The following PIEZO2 variants were observed in gnomAD, a reference collection of about 807,000 sequenced individuals.
PIEZO2 encodes the protein piezo type mechanosensitive ion channel component 2, also known as piezo-type mechanosensitive ion channel component 2.
A neutral mutation model predicts 337.3 loss-of-function variants in PIEZO2; 172 were observed. The ratio of observed to expected loss-of-function variants is 0.51; its 90% confidence interval spans 0.45 to 0.58. The LOEUF (loss-of-function observed/expected upper bound fraction) is 0.58, where lower values mean the gene tolerates loss of function less well. Among genes scored for constraint, PIEZO2 ranks in the 20% least tolerant of loss-of-function variants. The pLI, the probability that PIEZO2 is intolerant of heterozygous loss-of-function variation, is 0.00. For missense variants in PIEZO2, 3,028 were observed against 3,391.3 expected, an observed-to-expected ratio of 0.89 and a Z score of 2.66; for synonymous variants, 1,251 against 1,228.5, an observed-to-expected ratio of 1.02 and a Z score of -0.38.
At chr18:10,920,223 C>T (rs1195348413) in intron 3 of PIEZO2, among the ~76,000 whole-genome samples, 4 of 152,110 alleles carry the variant, frequency 2.6e-5, no homozygotes. Context: ...TATCTTTCTA[C>T]ATCTAGTCCC....
Position 10,725,111 on chromosome 18 carries a change from A to T in PIEZO2, c.5029+6296T>A, listed in dbSNP as rs990483421. ...CAGTCGCATTACACCTACAATCCAC[A>T]GTTCGAGTACCAGGAGCCCATGCCT... On this transcript the variant is annotated intron_variant, in intron 36 of 55. Transcript: ENST00000674853. 3.4e-6 allele frequency: 5 copies of T among 1,481,266 alleles called. No homozygotes were observed. In the African/African-American group the frequency reaches 6.9e-5, roughly 21 times the overall value. The allele number at this position is 1,481,266 out of a possible 1,614,324, so 91.8% of individuals were successfully genotyped here.
rs747589232 is a variant in PIEZO2 at position 11,110,624 on chromosome 18, G to A, written c.64+37901C>T. Among the ~76,000 whole-genome samples the A allele has an allele frequency of 1.1e-4, 16 of 152,188 alleles. No homozygotes were observed. Among genetic ancestry groups the A allele is most frequent in the African/African-American group, 2.7e-4 (11 of 41,466 alleles). Reference sequence around the variant, plus strand: ...GGTGGGCAGGGGAGCAGGTGGAGCCGGTGAGCAGCCCCAGGCCAGGCTAGC... The same window carrying A: ...GGTGGGCAGGGGAGCAGGTGGAGCCAGTGAGCAGCCCCAGGCCAGGCTAGC... On this transcript the variant is annotated intron_variant, in intron 1 of 55. Transcript: ENST00000674853. The surrounding 1 kb of genome is among the most constrained non-coding windows in gnomAD (Gnocchi z 4.2).
Position 11,133,290 on chromosome 18 carries a change from G to C in PIEZO2, c.64+15235C>G, listed in dbSNP as rs1170174677. On this transcript the variant is annotated intron_variant, in intron 1 of 55. Coordinates refer to ENST00000674853, the MANE Select transcript of PIEZO2 (RefSeq NM_001378183.1). ...TTGGGTTGGGGATTGGCACGTTTCC[G>C]GTTGTACAAGGGATAGTTGTGTTAT... 3.3e-5 allele frequency among the ~76,000 whole-genome samples: 5 copies of C among 152,212 alleles called. No homozygotes were observed. The South Asian group carries it at 1.0e-3, about 32-fold the overall frequency.
At chr18:10,742,649 A>G (rs570173327) in intron 31 of PIEZO2, 34 bp from the exon 32 acceptor site, 2 of 1,535,064 alleles carry the variant, frequency 1.3e-6, no homozygotes, top group South Asian at 2.4e-5. Context: ...AATGCCAAGA[A>G]CATATTCATT....
intron 2 of PIEZO2, among the ~76,000 whole-genome samples, chr18:10,998,486 T>G (rs753374102): frequency 1.3e-5 from 2 of 152,124 alleles, no homozygotes; most frequent in African/African-American, 2.4e-5. Flanking sequence ...TTGAGGGTAT[T>G]ATGTTGCCCA....
In PIEZO2 at chr18:10,945,718, C is replaced by G. The variant is rs375019734; in HGVS notation, c.286+33817G>C. Among the ~76,000 whole-genome samples, 12 of 152,214 alleles carry G rather than the reference C, an allele frequency of 7.9e-5. No homozygotes were observed. The highest frequency in any genetic ancestry group is 2.9e-4 in the African/African-American group (12 of 41,520). ...AGCAGAAAAAATCAATCAAAATCTT[C>G]CCAGAACTGCCAAAGGTGTTCAAAT... On this transcript the variant is annotated intron_variant, in intron 3 of 55. Transcript: ENST00000674853. This position sits in a 1 kb window ranked among gnomAD's most constrained non-coding sequence, Gnocchi z 4.0.
chr18:10,986,723 G>T (rs952393050), intron 2 of PIEZO2, among the ~76,000 whole-genome samples: 4 of 151,914 alleles, frequency 2.6e-5, no homozygotes, highest in African/African-American at 9.7e-5. Flanking sequence ...AACCGGAACA[G>T]TTATGGTAGA....
intron 13 of PIEZO2, among the ~76,000 whole-genome samples, chr18:10,793,390 A>C (rs146641116): frequency 0.01 from 1,580 of 152,308 alleles, 13 homozygotes; most frequent in African/African-American, 0.035. Flanking sequence ...ATAAGTGCAG[A>C]ACCTAGGTTC....
rs1567995708 is a variant in PIEZO2 at position 10,731,190 on chromosome 18, TATATATATATA to T, written c.5029+206_5029+216del. Reference sequence around the variant, plus strand: ...CTACTTAAAAGATTATATATATATATATATATATATATATATATATATATATATCTCCTAAC... The same window carrying T: ...CTACTTAAAAGATTATATATATATATTATATATATATATATATCTCCTAAC... On this transcript the variant is annotated intron_variant, in intron 36 of 55. Coordinates refer to ENST00000674853, the MANE Select transcript of PIEZO2 (RefSeq NM_001378183.1). Among the ~76,000 whole-genome samples the T allele has an allele frequency of 9.7e-5, 6 of 61,772 alleles. 1 individual carries two copies. Among genetic ancestry groups the T allele is most frequent in the Non-Finnish European group, 1.5e-4 (5 of 33,182 alleles). 40.5% of individuals were successfully genotyped at this position (61,772 alleles called of 152,430 possible).
intron 1 of PIEZO2, among the ~76,000 whole-genome samples, chr18:11,103,077 C>T (rs374548983): frequency 2.6e-5 from 4 of 152,120 alleles, no homozygotes; most frequent in African/African-American, 9.6e-5. Context: ...GGATGTGTCC[C>T]CCACATAAAA....
chr18:11,059,754 A>C (rs2037870068), intron 2 of PIEZO2, among the ~76,000 whole-genome samples: 1 of 152,210 alleles, frequency 6.6e-6, no homozygotes, highest in South Asian at 2.1e-4. Context: ...CAGATTCATA[A>C]AGCAAGTCCT....
Position 11,109,007 on chromosome 18 carries a change from C to T in PIEZO2, c.64+39518G>A, listed in dbSNP as rs112697148. Among the ~76,000 whole-genome samples the T allele has an allele frequency of 9.2e-5, 14 of 152,350 alleles. No individual in the cohort carries two copies. The highest frequency in any genetic ancestry group is 1.8e-4 in the Non-Finnish European group (12 of 68,040). On this transcript the variant is annotated intron_variant, in intron 1 of 55. Coordinates refer to ENST00000674853, the MANE Select transcript of PIEZO2 (RefSeq NM_001378183.1). The surrounding 1 kb of genome is among the most constrained non-coding windows in gnomAD (Gnocchi z 5.1). The stretch of plus-strand genomic sequence containing the variant: ...AGAACTTGCCCCCTGTCAGTACCAC[C>T]AGCACCAAGGTGGGGGCGAACCCAG...
Position 11,094,469 on chromosome 18 carries a change from C to T in PIEZO2, c.65-28247G>A, listed in dbSNP as rs1341704868. Among the ~76,000 whole-genome samples, 2 of 152,108 alleles carry T rather than the reference C, an allele frequency of 1.3e-5. No homozygotes were observed. The highest frequency in any genetic ancestry group is 2.4e-5 in the African/African-American group (1 of 41,422). On this transcript the variant is annotated intron_variant, in intron 1 of 55. Transcript: ENST00000674853. This position sits in a 1 kb window ranked among gnomAD's most constrained non-coding sequence, Gnocchi z 4.4. ...CTTAGTTCTCTTAAAGACACAGGAC[C>T]AACATGCAGGAGACTCAGACAGTTG...
At chr18:10,684,155 CTTTTTTTTTTTTT>C (rs71169941) in intron 49 of PIEZO2, among the ~76,000 whole-genome samples, 1 of 61,396 alleles carries the variant, frequency 1.6e-5, no homozygotes. Flanking sequence ...TGTCTTTCCT[CTTTTTTTTTTTTT>C]TTTTTTTTTT....
intron 54 of PIEZO2, among the ~76,000 whole-genome samples, chr18:10,674,990 G>A (rs2033930164): frequency 6.6e-6 from 1 of 152,188 alleles, no homozygotes; most frequent in African/African-American, 2.4e-5. Flanking sequence ...CGTCAATCAA[G>A]TTCCATATCT....
intron 1 of PIEZO2, among the ~76,000 whole-genome samples, chr18:11,145,654 T>C (rs1443186569): frequency 1.3e-5 from 2 of 152,018 alleles, no homozygotes; most frequent in African/African-American, 4.8e-5. Context: ...ACCTTGGGAG[T>C]AGGCAGACCA....
At chr18:11,037,928 T>C (rs2036980423) in intron 2 of PIEZO2, among the ~76,000 whole-genome samples, 1 of 152,230 alleles carries the variant, frequency 6.6e-6, no homozygotes, top group African/African-American at 2.4e-5. Flanking sequence ...TTTCCAAGTT[T>C]GTCTCCATAT....
intron 49 of PIEZO2, among the ~76,000 whole-genome samples, chr18:10,683,249 T>A (rs575047822): frequency 6.2e-4 from 95 of 152,338 alleles, no homozygotes; most frequent in African/African-American, 2.1e-3. Flanking sequence ...AGCCATAGAT[T>A]ACACACCAGG....
intron 4 of PIEZO2, among the ~76,000 whole-genome samples, chr18:10,906,441 A>C (rs918085144): frequency 1.3e-5 from 2 of 152,222 alleles, no homozygotes; most frequent in African/African-American, 4.8e-5. Flanking sequence ...TCTGCTGGCA[A>C]ATTAATATAC....
Sources: gnomAD v4.1 joint callset for allele counts (sites outside exome capture counted in the v4.1 genomes callset) on GRCh38, gnomAD v4.1.1 for gene constraint, Gnocchi (gnomAD v3.1) non-coding constraint, MANE v1.5 for transcripts, NCBI Gene and HGNC (gene_info 2026-07-23, HGNC 2026-07-21) for gene names.